The following SPDYE4 variants were observed in gnomAD, a reference collection of about 807,000 sequenced individuals.
SPDYE4 encodes speedy/RINGO cell cycle regulator family member E4, also known as speedy protein E4.
A neutral mutation model predicts 37.5 loss-of-function variants in SPDYE4; 30 were observed. That is an observed-to-expected ratio of 0.80 (90% CI 0.60 to 1.09). The LOEUF (loss-of-function observed/expected upper bound fraction) is 1.09. Among genes scored for constraint, SPDYE4 ranks in the 50% least tolerant of loss-of-function variants. The pLI, the probability that SPDYE4 is intolerant of heterozygous loss-of-function variation, is 0.00. For synonymous variants in SPDYE4, 131 were observed against 120.3 expected (o/e 1.09, Z -0.58); for missense variants, 300 against 307.9 (o/e 0.97, Z 0.19).
chr17:8,750,119 T>A (rs572153622), downstream of SPDYE4, among the ~76,000 whole-genome samples: 1 of 152,334 alleles, frequency 6.6e-6, no homozygotes, highest in East Asian at 1.9e-4. Context: ...TGCAATGCAG[T>A]GTCTCACACC....
In SPDYE4 at chr17:8,753,213, C is replaced by T. The variant is rs2086741737; in HGVS notation, c.655-16G>A. 1 of 1,613,954 alleles carries T rather than the reference C, an allele frequency of 6.2e-7. No homozygotes were observed. Among genetic ancestry groups the T allele is most frequent in the African/African-American group, 1.3e-5 (1 of 74,880 alleles). Reference sequence around the variant, plus strand: ...AAGCCTGGATCTGGAAAAACACACACCACTTGAGAAGCCAGGGATTCCCCA... The same window carrying T: ...AAGCCTGGATCTGGAAAAACACACATCACTTGAGAAGCCAGGGATTCCCCA... On this transcript the variant is annotated splice_polypyrimidine_tract_variant and intron_variant, in intron 5 of 6. Coordinates refer to ENST00000689094, the MANE Select transcript of SPDYE4 (RefSeq NM_001394956.1).
chr17:8,757,552 C>T (rs115836686), intron 1 of SPDYE4, 60 bp from the exon 2 acceptor site: 218 of 1,534,564 alleles, frequency 1.4e-4, no homozygotes, highest in African/African-American at 1.1e-3. Flanking sequence ...TTAGACGCCC[C>T]GACCCAGGAA....
chr17:8,752,006 G>A lies in SPDYE4; in HGVS notation c.*276C>T, dbSNP rs529615466. Reference sequence around the variant, plus strand: ...GAAAAGGGAGGTTTTGCCGCAGGAAGGGGTGGAACCAGAAACACCCCTGGT... The same window carrying A: ...GAAAAGGGAGGTTTTGCCGCAGGAAAGGGTGGAACCAGAAACACCCCTGGT... On this transcript the variant is annotated 3_prime_UTR_variant, in exon 7 of 7. Transcript: ENST00000689094. Among the ~76,000 whole-genome samples, 2 of 152,156 alleles carry A rather than the reference G, an allele frequency of 1.3e-5. No individual in the cohort carries two copies. Among genetic ancestry groups the A allele is most frequent in the South Asian group, 2.1e-4 (1 of 4,816 alleles).
At chr17:8,758,056 G>A (rs2086789249) in intron 1 of SPDYE4, among the ~76,000 whole-genome samples, 1 of 152,008 alleles carries the variant, frequency 6.6e-6, no homozygotes, top group Non-Finnish European at 1.5e-5. Context: ...CATCTTTTGA[G>A]CACATCTCCT....
Position 8,758,334 on chromosome 17 carries a change from G to T in SPDYE4, c.49C>A (p.Pro17Thr). 2 of 1,551,464 alleles carry T rather than the reference G, an allele frequency of 1.3e-6. No homozygotes were observed. The highest frequency in any genetic ancestry group is 1.7e-6 in the Non-Finnish European group (2 of 1,146,924). The stretch of plus-strand genomic sequence containing the variant: ...TCGGGGGACCGTACCGTTGTGCTAG[G>T]CTGGGGGCTCTCCTCCTCAAACGGG... ...RPPFEEESPQPSTTVRSPEVV... is the reference protein window; with the variant it reads ...RPPFEEESPQTSTTVRSPEVV... The change falls in exon 1 of 7, where the codon CCT becomes ACT. Residue 17 changes from proline (P) to threonine (T), a missense_variant. By Grantham distance (38) the Pro-to-Thr change is conservative. Transcript: ENST00000689094.
chr17:8,758,003 G>A (rs569121151), intron 1 of SPDYE4, among the ~76,000 whole-genome samples: 1 of 151,944 alleles, frequency 6.6e-6, no homozygotes, highest in Non-Finnish European at 1.5e-5. Flanking sequence ...GGATGGTCTC[G>A]ATCTTCTGAC....
Position 8,753,157 on chromosome 17 carries a change from T to G in SPDYE4, c.695A>C (p.Asp232Ala). ...YDPEHWVWARDRTLIS is the reference protein window; with the variant it reads ...YDPEHWVWARARTLIS ...GGAGCTCTAGGAAATGAGGGTGCGA[T>G]CTCGGGCCCACACCCAGTGCTCTGG... The change falls in exon 6 of 7, where the codon GAT becomes GCT. Residue 232 changes from aspartate (D) to alanine (A), a missense_variant. By Grantham distance (126) the Asp-to-Ala change is moderately radical. Coordinates refer to ENST00000689094, the MANE Select transcript of SPDYE4 (RefSeq NM_001394956.1). The G allele has an allele frequency of 6.2e-7, 1 of 1,613,966 alleles. No homozygotes were observed. The highest frequency in any genetic ancestry group is 8.5e-7 in the Non-Finnish European group (1 of 1,179,996).
chr17:8,753,198 C>A lies in SPDYE4; in HGVS notation c.655-1G>T, dbSNP rs1172105057. ...AGTGCTCTGGGTCATAAGCCTGGAT[C>A]TGGAAAAACACACACCACTTGAGAA... is the stretch of plus-strand genomic sequence containing the variant. On this transcript the variant is annotated splice_acceptor_variant, in intron 5 of 6. Coordinates refer to ENST00000689094, the MANE Select transcript of SPDYE4 (RefSeq NM_001394956.1). LOFTEE classifies it high-confidence loss of function. 3.7e-6 allele frequency: 6 copies of A among 1,613,956 alleles called. No homozygotes were observed.
Position 8,753,160 on chromosome 17 carries a change from C to T in SPDYE4, c.692G>A (p.Arg231Gln), listed in dbSNP as rs527838034. 8 of 1,614,010 alleles carry T rather than the reference C, an allele frequency of 5.0e-6. No individual in the cohort carries two copies. Among genetic ancestry groups the T allele is most frequent in the East Asian group, 4.5e-5 (2 of 44,850 alleles). Residue 231 changes from arginine to glutamine, a missense_variant, in exon 6 of 7, where the codon CGA becomes CAA. Transcript: ENST00000689094. Reference sequence around the variant, plus strand: ...GCTCTAGGAAATGAGGGTGCGATCTCGGGCCCACACCCAGTGCTCTGGGTC... The same window carrying T: ...GCTCTAGGAAATGAGGGTGCGATCTTGGGCCCACACCCAGTGCTCTGGGTC... ...AYDPEHWVWA[R>Q]DRTLIS is the part of the protein sequence containing the mutation.
At chr17:8,747,988 AG>A (rs537813944), downstream of SPDYE4, among the ~76,000 whole-genome samples, 60 of 152,326 alleles carry the variant, frequency 3.9e-4, no homozygotes, top group African/African-American at 1.3e-3. Context: ...AAGGGAAGCA[AG>A]AGTGGAAACT....
intron 4 of SPDYE4, 119 bp downstream of exon 4, chr17:8,755,401 T>G: frequency 8.0e-7 from 1 of 1,244,630 alleles, no homozygotes; most frequent in Non-Finnish European, 1.1e-6. Context: ...CTTATCGTTT[T>G]TATATACAGA....
rs187395913 is a variant in SPDYE4, at chr17:8,751,711, G to A, written c.*571C>T. On this transcript the variant is annotated 3_prime_UTR_variant, in exon 7 of 7. Coordinates refer to ENST00000689094, the MANE Select transcript of SPDYE4 (RefSeq NM_001394956.1). ...TCAGAGAACTCTATAGGAACAGCAT[G>A]TTTTCAAAACTACAAAAACCCCAAA... Among the ~76,000 whole-genome samples the A allele has an allele frequency of 1.1e-3, 166 of 152,248 alleles. No homozygotes were observed. Among genetic ancestry groups the A allele is most frequent in the Middle Eastern group, 6.8e-3 (2 of 294 alleles).
chr17:8,757,071 A>G (rs1041437303), intron 2 of SPDYE4, among the ~76,000 whole-genome samples, 191 bp downstream of exon 2: 1 of 151,924 alleles, frequency 6.6e-6, no homozygotes, highest in African/African-American at 2.4e-5. Flanking sequence ...CCAGAAACCA[A>G]GCTTTCTTAT....
rs1056178516 is a variant in SPDYE4, at chr17:8,751,486, A to C, written c.*796T>G. Among the ~76,000 whole-genome samples the C allele has an allele frequency of 6.6e-6, 1 of 152,164 alleles. No homozygotes were observed. Among genetic ancestry groups the C allele is most frequent in the Non-Finnish European group, 1.5e-5 (1 of 68,006 alleles). Reference sequence around the variant, plus strand: ...CAGTAAACAGAAAATAAACATTTCTATTTGCAAGAATGTAGGGGAACTACC... The same window carrying C: ...CAGTAAACAGAAAATAAACATTTCTCTTTGCAAGAATGTAGGGGAACTACC... On this transcript the variant is annotated 3_prime_UTR_variant, in exon 7 of 7. Coordinates refer to ENST00000689094, the MANE Select transcript of SPDYE4 (RefSeq NM_001394956.1).
chr17:8,751,334 T>C lies in SPDYE4; in HGVS notation c.*948A>G, dbSNP rs999332743. Among the ~76,000 whole-genome samples the C allele has an allele frequency of 6.6e-6, 1 of 152,210 alleles. No individual in the cohort carries two copies. The highest frequency in any genetic ancestry group is 1.5e-5 in the Non-Finnish European group (1 of 68,036). The stretch of plus-strand genomic sequence containing the variant: ...TATTTCTAAACTAGTTAAATAAATG[T>C]AGTAATAATGCCATGCCCATCATTT... On this transcript the variant is annotated 3_prime_UTR_variant, in exon 7 of 7. Transcript: ENST00000689094.
In SPDYE4 at chr17:8,751,710, T is replaced by C. The variant is rs2086729631; in HGVS notation, c.*572A>G. Among the ~76,000 whole-genome samples the C allele has an allele frequency of 6.6e-6, 1 of 152,238 alleles. No homozygotes were observed. Among genetic ancestry groups the C allele is most frequent in the South Asian group, 2.1e-4 (1 of 4,832 alleles). The stretch of plus-strand genomic sequence containing the variant: ...GTCAGAGAACTCTATAGGAACAGCA[T>C]GTTTTCAAAACTACAAAAACCCCAA... On this transcript the variant is annotated 3_prime_UTR_variant, in exon 7 of 7. Transcript: ENST00000689094.
Position 8,758,379 on chromosome 17 carries a change from C to T in SPDYE4, c.4G>A (p.Ala2Thr), listed in dbSNP as rs1597354506. 6.4e-7 allele frequency: 1 copy of T among 1,551,468 alleles called. No homozygotes were observed. Among genetic ancestry groups the T allele is most frequent in the Non-Finnish European group, 8.7e-7 (1 of 1,146,742 alleles). Reference sequence around the variant, plus strand: ...AACGGGGGGCGCGCTTGACCACTGGCCATAATCTCTCCCAAACACTTTGTT... The same window carrying T: ...AACGGGGGGCGCGCTTGACCACTGGTCATAATCTCTCCCAAACACTTTGTT... M[A>T]SGQARPPFEE... Residue 2 changes from alanine (A) to threonine (T), a missense_variant, in exon 1 of 7, where the codon GCC becomes ACC. Ala to Thr is a moderately conservative substitution (Grantham distance 58). Coordinates refer to ENST00000689094, the MANE Select transcript of SPDYE4 (RefSeq NM_001394956.1).
At position 8,758,296 on chromosome 17, in the gene SPDYE4, A is replaced by T. The variant is rs1264599667; in HGVS notation, c.87T>A (p.Asp29Glu). Reference sequence around the variant, plus strand: ...CACCTGATGGTCCTGGCACTTCATCATCCACCACCACCTCGGGGGACCGTA... The same window carrying T: ...CACCTGATGGTCCTGGCACTTCATCTTCCACCACCACCTCGGGGGACCGTA... ...TTVRSPEVVV[D>E]DEVPGPSAPW... The change falls in exon 1 of 7, where the codon GAT becomes GAA. Residue 29 changes from aspartate (D) to glutamate (E), a missense_variant. Transcript: ENST00000689094. 5 of 1,546,416 alleles carry T rather than the reference A, an allele frequency of 3.2e-6. No individual in the cohort carries two copies. In the East Asian group the frequency reaches 1.2e-4, roughly 38 times the overall value.
In SPDYE4 at chr17:8,757,511, C is replaced by G. The variant is rs763246084; in HGVS notation, c.110-19G>C. The G allele has an allele frequency of 1.9e-6, 3 of 1,605,634 alleles. No homozygotes were observed. Among genetic ancestry groups the G allele is most frequent in the East Asian group, 2.2e-5 (1 of 44,754 alleles). On this transcript the variant is annotated intron_variant, in intron 1 of 6. Coordinates refer to ENST00000689094, the MANE Select transcript of SPDYE4 (RefSeq NM_001394956.1). ...CAAGGGGCTGAGTGAAGAAACCAGG[C>G]CATGGTGTCATGTTTCTGCCATTGA...
Sources: gnomAD v4.1 joint callset for allele counts (sites outside exome capture counted in the v4.1 genomes callset) on GRCh38, gnomAD v4.1.1 for gene constraint, MANE v1.5 for transcripts, NCBI Gene and HGNC (gene_info 2026-07-23, HGNC 2026-07-21) for gene names.